Variants in FSTL5 observed in about 807,000 individuals in gnomAD.
FSTL5 encodes the protein follistatin-related protein 5.
In FSTL5, 62 loss-of-function variants were observed where a neutral mutation model predicts 89.1. That is an observed-to-expected ratio of 0.70 (90% CI 0.57 to 0.86). FSTL5 has a LOEUF of 0.86. Among genes scored for constraint, FSTL5 ranks in the 40% least tolerant of loss-of-function variants. The probability of loss-of-function intolerance (pLI) is 0.00; values close to 1 mark genes in which losing one functional copy is unlikely to be tolerated. For synonymous variants in FSTL5, 383 were observed against 346.2 expected (o/e 1.11, Z -1.18); for missense variants, 1,057 against 1,001.6 (o/e 1.06, Z -0.75).
At chr4:161,904,345 C>T (rs535816786) in intron 4 of FSTL5, among the ~76,000 whole-genome samples, 63 of 152,062 alleles carry the variant, frequency 4.1e-4, no homozygotes, top group Non-Finnish European at 6.9e-4. Flanking sequence ...TAAAATGGCT[C>T]CTAATTTCAC....
Position 161,697,938 on chromosome 4 carries a change from G to GGTGT in FSTL5, c.728-41448_728-41445dup, listed in dbSNP as rs75603323. On this transcript the variant is annotated intron_variant, in intron 6 of 15. Transcript: ENST00000306100. ...TCCATTCAGTTACAAAATATGGGAA[G>GGTGT]GTGTGTGTGTGTGTGTGTGTATGTG... Among the ~76,000 whole-genome samples, 173 of 149,736 alleles carry GGTGT rather than the reference G, an allele frequency of 1.2e-3. 4 individuals carry two copies. Among genetic ancestry groups the GGTGT allele is most frequent in the Middle Eastern group, 3.4e-3 (1 of 290 alleles).
At chr4:161,989,794 A>G (rs1459409899) in intron 3 of FSTL5, among the ~76,000 whole-genome samples, 1 of 152,148 alleles carries the variant, frequency 6.6e-6, no homozygotes, top group Non-Finnish European at 1.5e-5. Context: ...TAGTAACCTT[A>G]TTGTAGTGGG....
At chr4:162,116,313 G>A (rs1731633985) in intron 1 of FSTL5, among the ~76,000 whole-genome samples, 2 of 152,192 alleles carry the variant, frequency 1.3e-5, no homozygotes, top group African/African-American at 2.4e-5. Flanking sequence ...CTGAAGTAAC[G>A]TGTGCCAAGG....
At chr4:161,958,290 T>G (rs1039446262) in intron 3 of FSTL5, among the ~76,000 whole-genome samples, 5 of 152,140 alleles carry the variant, frequency 3.3e-5, no homozygotes, top group African/African-American at 4.8e-5. Flanking sequence ...TATCTACTAA[T>G]TCTATCATTG....
intron 3 of FSTL5, among the ~76,000 whole-genome samples, chr4:162,023,410 C>T (rs1333577440): frequency 6.6e-6 from 1 of 152,118 alleles, no homozygotes; most frequent in Non-Finnish European, 1.5e-5. Flanking sequence ...TTTATATGTG[C>T]CTAAACCACA....
chr4:161,451,023 C>T (rs976640116), intron 15 of FSTL5, among the ~76,000 whole-genome samples: 4 of 152,072 alleles, frequency 2.6e-5, no homozygotes, highest in African/African-American at 7.2e-5. Context: ...GGATTACAGG[C>T]ATGAGCCACT....
chr4:161,853,086 A>G (rs1037845841), intron 4 of FSTL5, among the ~76,000 whole-genome samples: 42 of 152,314 alleles, frequency 2.8e-4, no homozygotes, highest in African/African-American at 9.6e-4. Flanking sequence ...TTGAGCAAAA[A>G]TGGGTTCCTA....
chr4:161,434,948 A>T (rs1183787525), intron 15 of FSTL5, among the ~76,000 whole-genome samples: 1 of 152,102 alleles, frequency 6.6e-6, no homozygotes, highest in Admixed American at 6.6e-5. Flanking sequence ...ATGGGAAGAA[A>T]AGGGAACCCT....
At chr4:161,690,470 AT>A (rs1737893281) in intron 6 of FSTL5, among the ~76,000 whole-genome samples, 1 of 151,956 alleles carries the variant, frequency 6.6e-6, no homozygotes, top group Non-Finnish European at 1.5e-5. Context: ...GTAAATTTCT[AT>A]TTAACTATTC....
intron 2 of FSTL5, among the ~76,000 whole-genome samples, chr4:162,051,812 C>T (rs541209961): frequency 8.4e-4 from 126 of 150,426 alleles, no homozygotes; most frequent in African/African-American, 2.8e-3. Flanking sequence ...ATTCATGGAG[C>T]GCTGAAAAAA....
intron 7 of FSTL5, among the ~76,000 whole-genome samples, chr4:161,590,251 G>A (rs1346716199): frequency 6.6e-6 from 1 of 151,826 alleles, no homozygotes; most frequent in Non-Finnish European, 1.5e-5. Context: ...CAATCAAAAA[G>A]CAAATAGGCT....
intron 2 of FSTL5, among the ~76,000 whole-genome samples, chr4:162,103,656 T>G (rs147633422): frequency 1.3e-5 from 2 of 152,152 alleles, no homozygotes; most frequent in Non-Finnish European, 2.9e-5. Context: ...AAGATGGAAA[T>G]TGTATCTCCA....
At chr4:161,587,771 G>A (rs1488596495) in intron 7 of FSTL5, among the ~76,000 whole-genome samples, 196 bp from the exon 8 acceptor site, 2 of 152,090 alleles carry the variant, frequency 1.3e-5, no homozygotes, top group Non-Finnish European at 2.9e-5. Flanking sequence ...TGTTTAAAAA[G>A]CATCATATCA....
intron 4 of FSTL5, among the ~76,000 whole-genome samples, chr4:161,781,736 C>G (rs181704255): frequency 1.3e-4 from 20 of 152,278 alleles, no homozygotes; most frequent in Non-Finnish European, 2.5e-4. Context: ...ACCATTATCA[C>G]TCCAGATCCA....
intron 4 of FSTL5, among the ~76,000 whole-genome samples, chr4:161,816,097 T>G (rs1281439405): frequency 6.6e-6 from 1 of 152,196 alleles, no homozygotes; most frequent in Non-Finnish European, 1.5e-5. Flanking sequence ...ATGAATCCAC[T>G]GGAGTGCAGA....
chr4:161,678,131 T>C (rs148273215), intron 6 of FSTL5, among the ~76,000 whole-genome samples: 1 of 151,810 alleles, frequency 6.6e-6, no homozygotes, highest in African/African-American at 2.4e-5. Flanking sequence ...CATGTAAATA[T>C]GTATATTCTA....
chr4:161,421,135 A>G (rs1252584173), intron 15 of FSTL5, among the ~76,000 whole-genome samples: 4 of 152,004 alleles, frequency 2.6e-5, no homozygotes, highest in African/African-American at 9.7e-5. Context: ...AGGTCAGGAG[A>G]TCGAGACCAT....
chr4:161,830,432 A>G (rs946607913), intron 4 of FSTL5, among the ~76,000 whole-genome samples: 7 of 152,010 alleles, frequency 4.6e-5, no homozygotes, highest in Non-Finnish European at 1.0e-4. Flanking sequence ...TCAAACTTGC[A>G]TTGCCTTGCT....
Position 162,044,761 on chromosome 4 carries a change from G to A in FSTL5, c.127-11103C>T, listed in dbSNP as rs543651993. 5.9e-5 allele frequency among the ~76,000 whole-genome samples: 9 copies of A among 152,270 alleles called. No individual in the cohort carries two copies. In the East Asian group the frequency reaches 1.7e-3, roughly 29 times the overall value. ...TGCAATTTCTGCATCAGCACTTGGT[G>A]CTTCGCCTTGCACTCTTATATTATA... On this transcript the variant is annotated intron_variant, in intron 2 of 15. Transcript: ENST00000306100.
Sources: gnomAD v4.1 joint callset for allele counts (sites outside exome capture counted in the v4.1 genomes callset) on GRCh38, gnomAD v4.1.1 for gene constraint, MANE v1.5 for transcripts, NCBI Gene and HGNC (gene_info 2026-07-23, HGNC 2026-07-21) for gene names.